The following PAG1 variants were observed in gnomAD, a reference collection of about 807,000 sequenced individuals.
PAG1 encodes the protein phosphoprotein associated with glycosphingolipid-enriched microdomains 1.
PAG1 carries 23 observed loss-of-function variants against 31.7 expected under a neutral mutation model. That is an observed-to-expected ratio of 0.73 (90% CI 0.52 to 1.03). The LOEUF is 1.03. Ranked by LOEUF, PAG1 falls within the 50% of genes least tolerant of loss-of-function variation. PAG1 has a pLI of 0.00. For synonymous variants in PAG1, 214 were observed against 210.3 expected, an observed-to-expected ratio of 1.02 and a Z score of -0.15; for missense variants, 473 against 540.7, an observed-to-expected ratio of 0.87 and a Z score of 1.24.
At chr8:80,997,234 G>A (rs1807693460) in intron 3 of PAG1, among the ~76,000 whole-genome samples, 2 of 152,080 alleles carry the variant, frequency 1.3e-5, no homozygotes, top group Non-Finnish European at 1.5e-5. Context: ...GTTCTTACTT[G>A]ACTCAATAAA....
rs1242553716 is a variant in PAG1, at chr8:80,973,139, T to C, written c.*3405A>G. ...GGCAGATAAATCAGTAATTAGCCTT[T>C]ATCCCAGAAAGAATAGTGGTAGCTT... On this transcript the variant is annotated 3_prime_UTR_variant, in exon 9 of 9. Coordinates refer to ENST00000220597, the MANE Select transcript of PAG1 (RefSeq NM_018440.4). 6.6e-6 allele frequency: 1 copy of C among 152,154 alleles called. No homozygotes were observed. Among genetic ancestry groups the C allele is most frequent in the Non-Finnish European group, 1.5e-5 (1 of 68,018 alleles). The allele number at this position is 152,154 out of a possible 1,614,324, so 9.4% of individuals were successfully genotyped here.
chr8:81,000,901 C>T (rs548722284), intron 3 of PAG1, among the ~76,000 whole-genome samples: 48 of 152,296 alleles, frequency 3.2e-4, no homozygotes, highest in African/African-American at 1.2e-3. Context: ...TCACCATGTC[C>T]CCAAGCTTAG....
chr8:80,985,073 A>T lies in PAG1; in HGVS notation c.579T>A (p.Ala193=). The change falls in exon 7 of 9, where the codon GCT becomes GCA. Residue 193 remains alanine (A), a synonymous_variant. Coordinates refer to ENST00000220597, the MANE Select transcript of PAG1 (RefSeq NM_018440.4). ...CACTGTGGCCTTTCTCCAGGTGTGC[A>T]GCTGCAGCCACCTCCTTGATCTCTT... ...TVKEIKEVAA[A]AHLEKGHSGK... 6.2e-7 allele frequency: 1 copy of T among 1,614,112 alleles called. No individual in the cohort carries two copies. Among genetic ancestry groups the T allele is most frequent in the Non-Finnish European group, 8.5e-7 (1 of 1,180,006 alleles).
At chr8:81,010,166 T>C (rs1413328958) in intron 3 of PAG1, among the ~76,000 whole-genome samples, 3 of 152,216 alleles carry the variant, frequency 2.0e-5, no homozygotes, top group Non-Finnish European at 2.9e-5. Context: ...ATAAAACAGA[T>C]ACAGCTCATT....
rs567349072 is a variant in PAG1, at chr8:81,051,857, G to A, written c.-175+18255C>T. Among the ~76,000 whole-genome samples, 4 of 152,230 alleles carry A rather than the reference G, an allele frequency of 2.6e-5. No individual in the cohort carries two copies. The East Asian group carries it at 7.7e-4, about 29-fold the overall frequency. Reference sequence around the variant, plus strand: ...AAAGACTATAAACTATTGGCCGGGCGCGGTGGCTCACACCTGTAATCCCAG... The same window carrying A: ...AAAGACTATAAACTATTGGCCGGGCACGGTGGCTCACACCTGTAATCCCAG... On this transcript the variant is annotated intron_variant, in intron 2 of 8. Transcript: ENST00000220597.
intron 2 of PAG1, among the ~76,000 whole-genome samples, chr8:81,044,278 A>C (rs772120386): frequency 7.2e-5 from 11 of 152,212 alleles, no homozygotes; most frequent in Admixed American, 2.0e-4. Flanking sequence ...TCAAGTTAAA[A>C]TGAGGTCATT....
At chr8:80,979,816 T>C (rs1485575628) in intron 8 of PAG1, among the ~76,000 whole-genome samples, 1 of 152,160 alleles carries the variant, frequency 6.6e-6, no homozygotes, top group Non-Finnish European at 1.5e-5. Flanking sequence ...TATATACACA[T>C]ATTTCATATT....
At chr8:81,106,023 G>A (rs968193135) in intron 1 of PAG1, among the ~76,000 whole-genome samples, 1 of 152,118 alleles carries the variant, frequency 6.6e-6, no homozygotes, top group Non-Finnish European at 1.5e-5. Context: ...GAAGTACAAA[G>A]CTGTTAGTGA....
At chr8:81,017,181 T>C (rs1808086742) in intron 3 of PAG1, among the ~76,000 whole-genome samples, 1 of 152,248 alleles carries the variant, frequency 6.6e-6, no homozygotes, top group South Asian at 2.1e-4. Flanking sequence ...TACAGATCCT[T>C]TGTATTCTTT....
intron 1 of PAG1, among the ~76,000 whole-genome samples, chr8:81,099,916 T>C (rs1322928253): frequency 1.3e-5 from 2 of 152,240 alleles, no homozygotes; most frequent in Non-Finnish European, 2.9e-5. Context: ...CCTAAATTCC[T>C]GAAGTAACAC....
At chr8:81,101,115 G>C (rs1483411468) in intron 1 of PAG1, among the ~76,000 whole-genome samples, 1 of 152,214 alleles carries the variant, frequency 6.6e-6, no homozygotes, top group Non-Finnish European at 1.5e-5. Context: ...TAAATTAAGT[G>C]TAAGTTTAGT....
At chr8:81,020,197 C>T (rs570239958) in intron 3 of PAG1, among the ~76,000 whole-genome samples, 2 of 152,248 alleles carry the variant, frequency 1.3e-5, no homozygotes, top group East Asian at 1.9e-4. Context: ...AGGGATTTGC[C>T]TTGTCTCAGA....
intron 1 of PAG1, among the ~76,000 whole-genome samples, chr8:81,106,971 C>T (rs1015708899): frequency 1.3e-5 from 2 of 152,148 alleles, no homozygotes; most frequent in African/African-American, 4.8e-5. Context: ...CAGTTCACTG[C>T]TGATACTTCT....
chr8:81,104,637 C>T (rs28704859), intron 1 of PAG1, among the ~76,000 whole-genome samples: 1,956 of 152,258 alleles, frequency 0.013, 14 homozygotes, highest in Non-Finnish European at 0.018. Flanking sequence ...TCATTATCAT[C>T]TCCAATGGCA....
intron 3 of PAG1, among the ~76,000 whole-genome samples, chr8:81,010,805 G>A (rs1807970022): frequency 6.6e-6 from 1 of 152,200 alleles, no homozygotes. Context: ...AGCCTCAGCT[G>A]GTTCCTTGGT....
intron 1 of PAG1, among the ~76,000 whole-genome samples, chr8:81,101,957 C>T (rs114776657): frequency 9.9e-4 from 150 of 152,040 alleles, no homozygotes; most frequent in African/African-American, 3.1e-3. Flanking sequence ...AAGATGAGTA[C>T]GAAATGCAGT....
intron 1 of PAG1, among the ~76,000 whole-genome samples, chr8:81,105,662 A>C (rs1809682338): frequency 6.6e-6 from 1 of 152,214 alleles, no homozygotes; most frequent in Non-Finnish European, 1.5e-5. Flanking sequence ...CAATAGTTTC[A>C]TCATGTTCCA....
At chr8:81,009,935 A>G (rs1365548105) in intron 3 of PAG1, among the ~76,000 whole-genome samples, 2 of 152,170 alleles carry the variant, frequency 1.3e-5, no homozygotes, top group African/African-American at 2.4e-5. Flanking sequence ...ACAATACACT[A>G]ATGCCGAGGT....
chr8:81,094,028 G>A (rs903819655), intron 1 of PAG1, among the ~76,000 whole-genome samples: 1 of 152,170 alleles, frequency 6.6e-6, no homozygotes, highest in Non-Finnish European at 1.5e-5. Flanking sequence ...GTGGGGTGTG[G>A]GCTGACATTC....
Sources: gnomAD v4.1 joint callset for allele counts (sites outside exome capture counted in the v4.1 genomes callset) on GRCh38, gnomAD v4.1.1 for gene constraint, MANE v1.5 for transcripts, NCBI Gene and HGNC (gene_info 2026-07-23, HGNC 2026-07-21) for gene names.